Variants in TRPM6 observed in about 807,000 individuals in gnomAD.
TRPM6 encodes channel kinase 2.
TRPM6 carries 111 observed loss-of-function variants against 247.6 expected under a neutral mutation model. The observed-to-expected ratio is 0.45, with a 90% CI of 0.38 to 0.52. TRPM6 has a LOEUF of 0.52. TRPM6 is among the 20% of genes least tolerant of loss of function. The probability of loss-of-function intolerance (pLI) is 0.00; values close to 1 mark genes in which losing one functional copy is unlikely to be tolerated. For missense variants in TRPM6, 2,126 were observed against 2,421.5 expected (o/e 0.88, Z 2.56); for synonymous variants, 892 against 853.8 (o/e 1.04, Z -0.78).
chr9:74,842,518 T>G (rs1417165082), intron 3 of TRPM6, among the ~76,000 whole-genome samples, 175 bp from the exon 4 acceptor site: 2 of 152,348 alleles, frequency 1.3e-5, no homozygotes, highest in South Asian at 4.1e-4. Flanking sequence ...ACACTATTAG[T>G]GGTTCTCTCT....
chr9:74,753,947 C>T (rs2118805459), intron 28 of TRPM6, among the ~76,000 whole-genome samples: 1 of 152,078 alleles, frequency 6.6e-6, no homozygotes, highest in Admixed American at 6.6e-5. Context: ...GAGATTCTTT[C>T]CCAGAAACCT....
chr9:74,881,783 C>A (rs1295505152), intron 1 of TRPM6, among the ~76,000 whole-genome samples: 2 of 152,072 alleles, frequency 1.3e-5, no homozygotes, highest in Non-Finnish European at 2.9e-5. Flanking sequence ...ATAAGAGGAA[C>A]TTTGGAAACT....
chr9:74,756,314 AT>A (rs35315406), intron 27 of TRPM6, among the ~76,000 whole-genome samples: 41,187 of 151,950 alleles, frequency 0.27, 6,122 homozygotes, highest in Middle Eastern at 0.45. Flanking sequence ...AGGCTGAGGT[AT>A]TTTTTTAATG....
chr9:74,834,528 T>A (rs1333926649), intron 5 of TRPM6, among the ~76,000 whole-genome samples: 1 of 152,056 alleles, frequency 6.6e-6, no homozygotes, highest in African/African-American at 2.4e-5. Context: ...GTTTGTTACA[T>A]ATGTATACAT....
At chr9:74,810,993 C>A in intron 12 of TRPM6, 125 bp from the exon 13 acceptor site, 1 of 750,154 alleles carries the variant, frequency 1.3e-6, no homozygotes. Flanking sequence ...TTTTTAGTAA[C>A]AATGCTTAAG....
At chr9:74,771,930 G>T in intron 24 of TRPM6, 95 bp from the exon 25 acceptor site, 2 of 1,179,580 alleles carry the variant, frequency 1.7e-6, no homozygotes, top group Non-Finnish European at 2.5e-6. Flanking sequence ...AGAAACTATA[G>T]CCTGTTGTGA....
intron 18 of TRPM6, among the ~76,000 whole-genome samples, 179 bp from the exon 19 acceptor site, chr9:74,792,949 G>T (rs1827961424): frequency 6.6e-6 from 1 of 152,094 alleles, no homozygotes; most frequent in South Asian, 2.1e-4. Flanking sequence ...CTGAGGTCAG[G>T]AGTTCGAGAC....
intron 3 of TRPM6, 65 bp downstream of exon 3, chr9:74,855,462 T>G (rs1294172015): frequency 9.2e-7 from 1 of 1,081,956 alleles, no homozygotes; most frequent in Admixed American, 1.7e-5. Flanking sequence ...ATGAGGAAAC[T>G]GTCCCAGTGA....
intron 1 of TRPM6, chr9:74,875,123 G>A (rs1831153593): frequency 5.3e-6 from 2 of 374,876 alleles, no homozygotes; most frequent in Non-Finnish European, 1.1e-5. Context: ...GCAAACCCAG[G>A]CCACTAAATA....
At chr9:74,800,037 C>T in intron 17 of TRPM6, 1 of 581,410 alleles carries the variant, frequency 1.7e-6, no homozygotes. Context: ...CGCTCTGTCG[C>T]TCAGTCGCAG....
chr9:74,812,566 GAAAAA>G, intron 11 of TRPM6, 133 bp from the exon 12 acceptor site: 2 of 636,366 alleles, frequency 3.1e-6, no homozygotes, highest in Non-Finnish European at 5.1e-6. Context: ...AGTGGGTACA[GAAAAA>G]AAAAAAAAAG....
intron 1 of TRPM6, chr9:74,887,147 G>T: frequency 7.3e-6 from 6 of 826,030 alleles, no homozygotes; most frequent in Non-Finnish European, 8.2e-6. Context: ...CGGTGGAGAG[G>T]AGCCAGCGGG....
At chr9:74,887,171 G>C (rs1831558154) in intron 1 of TRPM6, 4 of 1,108,844 alleles carry the variant, frequency 3.6e-6, no homozygotes, top group Non-Finnish European at 4.6e-6. Flanking sequence ...TCCTGAGGTT[G>C]CAAGTCCGGG....
chr9:74,818,898 A>C (rs17060564), intron 9 of TRPM6, among the ~76,000 whole-genome samples: 23,512 of 151,930 alleles, frequency 0.15, 2,262 homozygotes, highest in East Asian at 0.28. Flanking sequence ...AAATATTACC[A>C]AAATTCTTAT....
At chr9:74,740,320 C>T (rs915219502) in intron 33 of TRPM6, among the ~76,000 whole-genome samples, 1 of 152,174 alleles carries the variant, frequency 6.6e-6, no homozygotes, top group East Asian at 1.9e-4. Context: ...TTGTTAAAGA[C>T]AAATACTTCT....
At chr9:74,792,090 C>T (rs1043960979) in intron 19 of TRPM6, among the ~76,000 whole-genome samples, 4 of 152,130 alleles carry the variant, frequency 2.6e-5, no homozygotes, top group Admixed American at 6.6e-5. Context: ...AATCCACCCA[C>T]CTATTGCTTA....
chr9:74,815,766 C>G (rs1587537435), intron 11 of TRPM6, among the ~76,000 whole-genome samples: 1 of 152,214 alleles, frequency 6.6e-6, no homozygotes, highest in Non-Finnish European at 1.5e-5. Flanking sequence ...AGTACTAGCT[C>G]TTGTGATTAG....
At chr9:74,728,564 CGCATTTCAACG>C (rs1825413509) in intron 37 of TRPM6, among the ~76,000 whole-genome samples, 1 of 152,168 alleles carries the variant, frequency 6.6e-6, no homozygotes, top group Non-Finnish European at 1.5e-5. Context: ...TACTGTGAAA[CGCATTTCAACG>C]GCATTTCAAC....
intron 20 of TRPM6, among the ~76,000 whole-genome samples, chr9:74,788,335 A>G (rs1442471757): frequency 6.6e-6 from 1 of 152,204 alleles, no homozygotes; most frequent in Non-Finnish European, 1.5e-5. Context: ...GGCATCATCT[A>G]TCCTTTAGGA....
Sources: allele counts gnomAD v4.1 joint callset (sites outside exome capture counted in the v4.1 genomes callset), GRCh38; gene constraint gnomAD v4.1.1; transcripts MANE v1.5; gene names NCBI Gene and HGNC (gene_info 2026-07-23, HGNC 2026-07-21).